Variants in ZFHX3 observed in about 807,000 individuals in gnomAD.
ZFHX3 encodes the protein zinc finger homeobox protein 3.
A neutral mutation model predicts 279.1 loss-of-function variants in ZFHX3; 42 were observed. The ratio of observed to expected loss-of-function variants is 0.15; its 90% CI spans 0.12 to 0.19. ZFHX3 has a LOEUF of 0.19. Ranked by LOEUF, ZFHX3 falls within the 10% of genes least tolerant of loss-of-function variation. ZFHX3 has a pLI of 1.00. For synonymous variants in ZFHX3, 2,293 were observed against 1,957.8 expected (o/e 1.17, Z -4.52); for missense variants, 4,981 against 4,754.0 (o/e 1.05, Z -1.40).
chr16:73,284,844 GT>G (rs1211083280), intron 4 of ZFHX3, among the ~76,000 whole-genome samples: 3 of 151,854 alleles, frequency 2.0e-5, no homozygotes, highest in African/African-American at 7.3e-5. Flanking sequence ...AGGGTGCTTT[GT>G]TTTTGTTTTG....
intron 1 of ZFHX3, among the ~76,000 whole-genome samples, chr16:73,008,640 T>A (rs979813943): frequency 6.6e-6 from 1 of 152,194 alleles, no homozygotes; most frequent in African/African-American, 2.4e-5. Flanking sequence ...GAAAATTTTA[T>A]CTTGGGCATA....
intron 2 of ZFHX3, among the ~76,000 whole-genome samples, chr16:73,544,741 C>A (rs1263351745): frequency 6.6e-6 from 1 of 152,024 alleles, no homozygotes; most frequent in Non-Finnish European, 1.5e-5. Flanking sequence ...AGAAGAATGC[C>A]AGGTAAAGGT....
At chr16:72,923,945 C>G (rs1267432626) in intron 3 of ZFHX3, among the ~76,000 whole-genome samples, 1 of 152,198 alleles carries the variant, frequency 6.6e-6, no homozygotes, top group Non-Finnish European at 1.5e-5. Flanking sequence ...CACGATTACT[C>G]ATTACATGTC....
intron 2 of ZFHX3, among the ~76,000 whole-genome samples, chr16:73,565,281 A>G (rs2020434282): frequency 6.6e-6 from 1 of 152,122 alleles, no homozygotes; most frequent in Admixed American, 6.6e-5. Flanking sequence ...TTACCCTCAA[A>G]TATTTGCATC....
intron 1 of ZFHX3, among the ~76,000 whole-genome samples, chr16:73,820,443 C>T (rs1222549914): frequency 6.6e-6 from 1 of 152,074 alleles, no homozygotes; most frequent in Non-Finnish European, 1.5e-5. Context: ...TGGAACATTG[C>T]CTCTCAGAAC....
At chr16:73,144,976 A>G (rs1195416432) in intron 5 of ZFHX3, among the ~76,000 whole-genome samples, 1 of 152,230 alleles carries the variant, frequency 6.6e-6, no homozygotes, top group Non-Finnish European at 1.5e-5. Flanking sequence ...TGTACATTTC[A>G]GTCCATTATT....
chr16:72,821,167 A>G (rs2036781152), intron 5 of ZFHX3, among the ~76,000 whole-genome samples: 1 of 152,196 alleles, frequency 6.6e-6, no homozygotes, highest in Non-Finnish European at 1.5e-5. Context: ...TCAGAACCTT[A>G]CAAACTGGCC....
intron 1 of ZFHX3, among the ~76,000 whole-genome samples, chr16:73,835,428 C>G (rs2966027): frequency 6.8e-6 from 1 of 147,218 alleles, no homozygotes; most frequent in African/African-American, 2.5e-5. Flanking sequence ...CCTCTTCTTT[C>G]GCCAACTTTC....
intron 3 of ZFHX3, among the ~76,000 whole-genome samples, chr16:73,425,201 G>C: frequency 6.6e-6 from 1 of 152,220 alleles, no homozygotes; most frequent in Admixed American, 6.5e-5. Flanking sequence ...AGCTGGGGAA[G>C]TATATTCCTG....
chr16:72,889,095 A>G (rs1350454186), intron 4 of ZFHX3, among the ~76,000 whole-genome samples: 1 of 152,136 alleles, frequency 6.6e-6, no homozygotes, highest in Non-Finnish European at 1.5e-5. Flanking sequence ...AGGTGGCTGC[A>G]GGGAGATGAC....
At chr16:73,545,124 G>T (rs996889105) in intron 2 of ZFHX3, among the ~76,000 whole-genome samples, 13 of 151,816 alleles carry the variant, frequency 8.6e-5, no homozygotes, top group African/African-American at 3.2e-4. Flanking sequence ...GAGGCCCCTC[G>T]GAAGCTAAAG....
chr16:72,879,636 G>A (rs2038409830), intron 4 of ZFHX3, among the ~76,000 whole-genome samples: 1 of 152,094 alleles, frequency 6.6e-6, no homozygotes, highest in Admixed American at 6.5e-5. Context: ...ATGTTGGCCA[G>A]GCTGGTCTCC....
intron 3 of ZFHX3, among the ~76,000 whole-genome samples, chr16:73,331,569 T>C (rs537109501): frequency 6.6e-6 from 1 of 152,324 alleles, no homozygotes; most frequent in South Asian, 2.1e-4. Flanking sequence ...TGTGCTTTCC[T>C]AAGTGTCATG....
chr16:73,785,611 C>T (rs573735344), intron 1 of ZFHX3, among the ~76,000 whole-genome samples: 13 of 152,202 alleles, frequency 8.5e-5, no homozygotes, highest in Non-Finnish European at 1.5e-4. Context: ...CCATCTTTAT[C>T]GGTATAAAGG....
At position 73,001,451 on chromosome 16, in the gene ZFHX3, A is replaced by G. The variant is rs1383423342; in HGVS notation, c.-49-41257T>C. 3.3e-5 allele frequency among the ~76,000 whole-genome samples: 5 copies of G among 152,294 alleles called. No homozygotes were observed. The South Asian group carries it at 8.3e-4, about 25-fold the overall frequency. ...TAATAAGTGCTTGCCATTTTAAGCT[A>G]CTGAACTTAGGGGTAATCTGTGATG... On this transcript the variant is annotated intron_variant, in intron 1 of 9. Coordinates refer to ENST00000268489, the MANE Select transcript of ZFHX3 (RefSeq NM_006885.4).
intron 1 of ZFHX3, among the ~76,000 whole-genome samples, chr16:73,025,484 C>T (rs1040532969): frequency 6.6e-6 from 1 of 152,214 alleles, no homozygotes; most frequent in African/African-American, 2.4e-5. Flanking sequence ...CTCACGGACT[C>T]GATACAGCAG....
intron 4 of ZFHX3, among the ~76,000 whole-genome samples, chr16:73,292,290 T>A (rs187275074): frequency 6.6e-6 from 1 of 152,298 alleles, no homozygotes; most frequent in African/African-American, 2.4e-5. Flanking sequence ...CATGTGGGTA[T>A]AGATATTTCT....
chr16:73,689,915 G>A (rs546674208), intron 1 of ZFHX3, among the ~76,000 whole-genome samples: 85 of 151,680 alleles, frequency 5.6e-4, no homozygotes, highest in Non-Finnish European at 1.1e-3. Context: ...CGCCTCCCAG[G>A]TTCAAGCAAC....
In ZFHX3 at chr16:72,796,402, G is replaced by C. The variant is rs778523581; in HGVS notation, c.6280C>G (p.Leu2094Val). Reference protein sequence around the residue: ...PLTQLSMPMELPIFSPLMMQT... With the variant: ...PLTQLSMPMEVPIFSPLMMQT... ...ATCATCAGCGGCGAGAAGATGGGCA[G>C]CTCCATCGGCATGGAGAGCTGGGTG... Residue 2094 changes from leucine (L) to valine (V), a missense_variant, in exon 9 of 10, where the codon CTG becomes GTG. Physicochemically the swap from Leu to Val is conservative, Grantham distance 32. Around this residue, in one of 7 missense-constraint regions of ZFHX3, gnomAD observed 1,751 missense variants for 1,770.0 expected, o/e 0.99. Coordinates refer to ENST00000268489, the MANE Select transcript of ZFHX3 (RefSeq NM_006885.4). 1 of 1,612,764 alleles carries C rather than the reference G, an allele frequency of 6.2e-7. No individual in the cohort carries two copies. The highest frequency in any genetic ancestry group is 1.7e-5 in the Admixed American group (1 of 60,024).
Sources: allele counts gnomAD v4.1 joint callset (sites outside exome capture counted in the v4.1 genomes callset), GRCh38; gene constraint gnomAD v4.1.1; regional missense constraint gnomAD v4.1.1; transcripts MANE v1.5; gene names NCBI Gene and HGNC (gene_info 2026-07-23, HGNC 2026-07-21).